The following LAMA4 variants were observed in gnomAD, a reference collection of about 807,000 sequenced individuals.
LAMA4 encodes the protein laminin subunit alpha 4, also known as laminin subunit alpha-4.
Under a neutral mutation model 207.1 loss-of-function variants are expected in LAMA4, and 127 were observed. The ratio of observed to expected loss-of-function variants is 0.61; its 90% confidence interval spans 0.53 to 0.71. The LOEUF is 0.71. Among genes scored for constraint, LAMA4 ranks in the 30% least tolerant of loss-of-function variants. LAMA4 has a pLI of 0.00. For synonymous variants in LAMA4, 761 were observed against 816.0 expected, an observed-to-expected ratio of 0.93 and a Z score of 1.15; for missense variants, 2,093 against 2,246.5, an observed-to-expected ratio of 0.93 and a Z score of 1.38.
At chr6:112,224,772 C>T (rs1362154762) in intron 2 of LAMA4, among the ~76,000 whole-genome samples, 3 of 146,590 alleles carry the variant, frequency 2.0e-5, no homozygotes, top group East Asian at 2.0e-4. Flanking sequence ...GCCGAGTTTG[C>T]GCCATTGCAC....
chr6:112,110,023 C>T (rs1358415532), intron 38 of LAMA4, among the ~76,000 whole-genome samples: 2 of 152,178 alleles, frequency 1.3e-5, no homozygotes, highest in African/African-American at 4.8e-5. Context: ...TTACCCTTCA[C>T]CCTTAAGCCT....
At chr6:112,139,579 T>C (rs938137713) in intron 23 of LAMA4, among the ~76,000 whole-genome samples, 173 bp downstream of exon 23, 1 of 152,258 alleles carries the variant, frequency 6.6e-6, no homozygotes, top group Non-Finnish European at 1.5e-5. Flanking sequence ...TACTTGGGCA[T>C]GCTCATCTAT....
intron 38 of LAMA4, among the ~76,000 whole-genome samples, chr6:112,113,445 A>G (rs1554322161): frequency 1.3e-5 from 2 of 152,238 alleles, no homozygotes; most frequent in African/African-American, 4.8e-5. Flanking sequence ...ATATGAGGAC[A>G]TGGTCCTTGC....
At chr6:112,199,312 G>A (rs892202289) in intron 5 of LAMA4, among the ~76,000 whole-genome samples, 9 of 152,128 alleles carry the variant, frequency 5.9e-5, no homozygotes, top group Non-Finnish European at 1.2e-4. Context: ...GGTCAGCAGG[G>A]CTCTATCTAA....
At chr6:112,251,129 C>G (rs1262474860) in intron 2 of LAMA4, among the ~76,000 whole-genome samples, 2 of 152,210 alleles carry the variant, frequency 1.3e-5, no homozygotes, top group African/African-American at 4.8e-5. Flanking sequence ...CTCCCCACAA[C>G]TAGTACGGAG....
rs140820442 is a variant in LAMA4, at chr6:112,193,775, C to T, written c.504-1925G>A. 8.5e-5 allele frequency among the ~76,000 whole-genome samples: 13 copies of T among 152,206 alleles called. 1 individual carries two copies. In the East Asian group the frequency reaches 2.3e-3, roughly 27 times the overall value. ...CAGTGCAAGGTCCAAACCTTCTGAC[C>T]CTGGAGTTCTTTCTTTTGCTCCACC... On this transcript the variant is annotated intron_variant, in intron 5 of 38. Coordinates refer to ENST00000230538, the MANE Select transcript of LAMA4 (RefSeq NM_001105206.3).
At position 112,190,943 on chromosome 6, in the gene LAMA4, C is replaced by CT. The variant is rs1562714743; in HGVS notation, c.718+692dup. Among the ~76,000 whole-genome samples, 72 of 42,430 alleles carry CT rather than the reference C, an allele frequency of 1.7e-3. 1 individual carries two copies. Among genetic ancestry groups the CT allele is most frequent in the African/African-American group, 3.8e-3 (39 of 10,226 alleles). 27.8% of individuals were successfully genotyped at this position (42,430 alleles called of 152,430 possible). A position where few individuals can be genotyped will look rare whatever the true frequency, so the allele number is the denominator to read the frequency against. ...TCTTTCTTTCTTTCTTTCTTTCTTTCTTTCCTTTCTTTCTTTCTTTCTTTC... is the reference window on the plus strand; with the variant it reads ...TCTTTCTTTCTTTCTTTCTTTCTTTCTTTTCCTTTCTTTCTTTCTTTCTTTC... On this transcript the variant is annotated intron_variant, in intron 6 of 38. Transcript: ENST00000230538.
chr6:112,140,418 A>G (rs1554332828), intron 22 of LAMA4, among the ~76,000 whole-genome samples: 1 of 152,162 alleles, frequency 6.6e-6, no homozygotes. Context: ...TGAAACCACC[A>G]CTGCAAAGCT....
At chr6:112,168,345 C>CTTTTTTT (rs34395210) in intron 12 of LAMA4, among the ~76,000 whole-genome samples, 1 of 129,322 alleles carries the variant, frequency 7.7e-6, no homozygotes, top group Admixed American at 8.1e-5. Context: ...AGCTAGTGTT[C>CTTTTTTT]TTTTTTTTTT....
intron 7 of LAMA4, among the ~76,000 whole-genome samples, chr6:112,188,355 C>T (rs1207643978): frequency 1.3e-5 from 2 of 152,184 alleles, no homozygotes; most frequent in African/African-American, 4.8e-5. Flanking sequence ...ACCAGGCAGG[C>T]ATCTTGATGT....
intron 38 of LAMA4, among the ~76,000 whole-genome samples, chr6:112,112,096 G>A (rs1306588564): frequency 1.3e-5 from 2 of 152,148 alleles, no homozygotes; most frequent in Non-Finnish European, 2.9e-5. Flanking sequence ...ATCAAGGAAT[G>A]CACTTCTTAG....
chr6:112,120,146 T>G lies in LAMA4; in HGVS notation c.4665+137A>C, dbSNP rs587775468. ...CAAGACTTTTATAAGGAATACAATTTTTTGAAATTGAATTCTGAGTGTGCA... is the reference window on the plus strand; with the variant it reads ...CAAGACTTTTATAAGGAATACAATTGTTTGAAATTGAATTCTGAGTGTGCA... On this transcript the variant is annotated intron_variant, in intron 33 of 38. Transcript: ENST00000230538. The G allele has an allele frequency of 7.2e-6, 5 of 695,348 alleles. No individual in the cohort carries two copies. In the East Asian group the frequency reaches 1.3e-4, roughly 19 times the overall value. 43.1% of individuals were successfully genotyped at this position (695,348 alleles called of 1,614,324 possible).
At chr6:112,160,635 C>T (rs1203301324) in intron 13 of LAMA4, among the ~76,000 whole-genome samples, 2 of 152,192 alleles carry the variant, frequency 1.3e-5, no homozygotes, top group Non-Finnish European at 2.9e-5. Flanking sequence ...TGGTTTGCTA[C>T]AGTGTTGGCC....
In LAMA4 at chr6:112,172,621, C is replaced by T. The variant is rs146358872; in HGVS notation, c.1541G>A (p.Arg514Gln). 3.2e-5 allele frequency: 51 copies of T among 1,612,764 alleles called. No homozygotes were observed. In the African/African-American group the frequency reaches 3.3e-4, roughly 11 times the overall value. ...GAGTGTCCGCTGTACCTCATGGTCC[C>T]GCTGCCTGGCTGCTGTGGCCCTGTT... ...DMNRATAARQ[R>Q]DHEKQQERVR... Residue 514 changes from arginine to glutamine, a missense_variant, in exon 12 of 39, where the codon CGG becomes CAG. Arg to Gln is a conservative substitution (Grantham distance 43). Transcript: ENST00000230538.
intron 2 of LAMA4, chr6:112,216,686 T>C (rs1221182355): frequency 3.7e-6 from 2 of 546,780 alleles, no homozygotes; most frequent in Non-Finnish European, 6.6e-6. Context: ...CATAACTTTT[T>C]CCCTCCTTTC....
Position 112,221,056 on chromosome 6 carries a change from T to A in LAMA4, c.196-4587A>T, listed in dbSNP as rs991670566. On this transcript the variant is annotated intron_variant, in intron 2 of 38. Transcript: ENST00000230538. Reference sequence around the variant, plus strand: ...CATACTCGAATAGATCTTCTAGGGATCTAAGGTCCCTAATTACCCATTTAA... The same window carrying A: ...CATACTCGAATAGATCTTCTAGGGAACTAAGGTCCCTAATTACCCATTTAA... 5.9e-5 allele frequency among the ~76,000 whole-genome samples: 9 copies of A among 152,094 alleles called. No individual in the cohort carries two copies. The East Asian group carries it at 1.5e-3, about 26-fold the overall frequency.
chr6:112,120,733 C>A (rs1554325934), intron 32 of LAMA4, among the ~76,000 whole-genome samples: 1 of 152,122 alleles, frequency 6.6e-6, no homozygotes, highest in African/African-American at 2.4e-5. Context: ...AAGGATCTTA[C>A]TGTGTCTTGG....
Position 112,215,789 on chromosome 6 carries a change from A to C in LAMA4, c.297+579T>G, listed in dbSNP as rs2213840. 1.2e-4 allele frequency among the ~76,000 whole-genome samples: 19 copies of C among 152,158 alleles called. 1 individual carries two copies. The highest frequency in any genetic ancestry group is 3.4e-4 in the African/African-American group (14 of 41,414). On this transcript the variant is annotated intron_variant, in intron 3 of 38. Transcript: ENST00000230538. ...GCTCTATCATGCTTCAATGAAGAAC[A>C]GTCTATTGGAGAATTCATTTCAGTT... is the stretch of plus-strand genomic sequence containing the variant.
chr6:112,187,704 T>A, intron 7 of LAMA4, 103 bp from the exon 8 acceptor site: 1 of 1,154,144 alleles, frequency 8.7e-7, no homozygotes, highest in Non-Finnish European at 1.3e-6. Flanking sequence ...ATACCATTTT[T>A]ATTTTTGTCT....
Sources: gnomAD v4.1 joint callset for allele counts (sites outside exome capture counted in the v4.1 genomes callset) on GRCh38, gnomAD v4.1.1 for gene constraint, MANE v1.5 for transcripts, NCBI Gene and HGNC (gene_info 2026-07-23, HGNC 2026-07-21) for gene names.